Variants in CYRIA observed in about 807,000 individuals in gnomAD.
The protein encoded by CYRIA is CYFIP-related Rac1 interactor A.
In CYRIA, 15 loss-of-function variants were observed where a neutral mutation model predicts 43.9. The observed-to-expected ratio is 0.34, with a 90% CI of 0.23 to 0.53. CYRIA has a LOEUF of 0.53. Among genes scored for constraint, CYRIA ranks in the 20% least tolerant of loss-of-function variants. The pLI is 0.94. For synonymous variants in CYRIA, 117 were observed against 136.0 expected (o/e 0.86, Z 0.97); for missense variants, 236 against 394.2 (o/e 0.60, Z 3.40).
chr2:16,576,934 G>A (rs1014831637), intron 3 of CYRIA, among the ~76,000 whole-genome samples: 5 of 152,176 alleles, frequency 3.3e-5, no homozygotes, highest in Admixed American at 6.5e-5. Context: ...CAAACTGCAT[G>A]ATTCCACTTA....
intron 1 of CYRIA, among the ~76,000 whole-genome samples, chr2:16,651,160 C>T (rs989262424): frequency 6.6e-5 from 10 of 152,156 alleles, no homozygotes; most frequent in African/African-American, 2.4e-4. Flanking sequence ...TGTGGCTTTT[C>T]ATGACAATTC....
Position 16,550,861 on chromosome 2 carries a change from T to G in CYRIA, c.*2075A>C, listed in dbSNP as rs371361191. The G allele has an allele frequency of 2.2e-4, 34 of 152,224 alleles. No individual in the cohort carries two copies. Among genetic ancestry groups the G allele is most frequent in the African/African-American group, 7.7e-4 (32 of 41,538 alleles). The allele number at this position is 152,224 out of a possible 1,614,324, so 9.4% of individuals were successfully genotyped here. On this transcript the variant is annotated 3_prime_UTR_variant, in exon 12 of 12. Coordinates refer to ENST00000381323, the MANE Select transcript of CYRIA (RefSeq NM_030797.4). Reference sequence around the variant, plus strand: ...TGATAAATATTGTGTGGTTCTATATTTCTAGCCTAGACAATTGTTGCTCAA... The same window carrying G: ...TGATAAATATTGTGTGGTTCTATATGTCTAGCCTAGACAATTGTTGCTCAA...
intron 1 of CYRIA, among the ~76,000 whole-genome samples, chr2:16,631,994 A>G (rs1572190748): frequency 6.6e-6 from 1 of 152,210 alleles, no homozygotes; most frequent in East Asian, 1.9e-4. Context: ...CCTGAGTCCC[A>G]CAGACCACCT....
intron 1 of CYRIA, among the ~76,000 whole-genome samples, chr2:16,656,948 C>T (rs112257877): frequency 2.0e-5 from 3 of 152,164 alleles, no homozygotes; most frequent in South Asian, 2.1e-4. Flanking sequence ...AAGGAAGACC[C>T]GAGAGGGAAC....
intron 2 of CYRIA, among the ~76,000 whole-genome samples, chr2:16,619,147 C>A (rs1668909486): frequency 6.6e-6 from 1 of 152,144 alleles, no homozygotes; most frequent in Non-Finnish European, 1.5e-5. Flanking sequence ...GATCTTGGCA[C>A]AACTGGGGAA....
intron 1 of CYRIA, among the ~76,000 whole-genome samples, chr2:16,659,314 T>C (rs1339204004): frequency 6.6e-6 from 1 of 152,232 alleles, no homozygotes; most frequent in Non-Finnish European, 1.5e-5. Context: ...ATACCAGCTA[T>C]GCCACTTTTC....
chr2:16,662,830 T>A (rs1371128680), intron 1 of CYRIA, among the ~76,000 whole-genome samples: 1 of 152,216 alleles, frequency 6.6e-6, no homozygotes, highest in East Asian at 1.9e-4. Context: ...CTCTGGGCCC[T>A]ACATCAGCCT....
chr2:16,588,416 C>G (rs1667810564), intron 2 of CYRIA, among the ~76,000 whole-genome samples: 1 of 150,106 alleles, frequency 6.7e-6, no homozygotes, highest in Non-Finnish European at 1.5e-5. Flanking sequence ...CAGTCCATAT[C>G]TCGTTCACCA....
At chr2:16,615,420 G>A (rs1232782132) in intron 2 of CYRIA, among the ~76,000 whole-genome samples, 3 of 152,180 alleles carry the variant, frequency 2.0e-5, no homozygotes, top group African/African-American at 7.2e-5. Context: ...AGTTCCACTT[G>A]CACAAATGAA....
rs138637837 is a variant in CYRIA at position 16,634,195 on chromosome 2, T to C, written c.-166-10176A>G. 5.8e-3 allele frequency among the ~76,000 whole-genome samples: 884 copies of C among 152,302 alleles called. 9 individuals carry two copies. Among genetic ancestry groups the C allele is most frequent in the South Asian group, 0.039 (187 of 4,830 alleles). On this transcript the variant is annotated intron_variant, in intron 1 of 11. Coordinates refer to ENST00000381323, the MANE Select transcript of CYRIA (RefSeq NM_030797.4). ...CATCTGAGACTCAGGCAGAGGTTCA[T>C]CTACTCTTTACACCAACACTAGGAA... is the stretch of plus-strand genomic sequence containing the variant.
chr2:16,630,818 T>C (rs1183379522), intron 1 of CYRIA, among the ~76,000 whole-genome samples: 1 of 152,124 alleles, frequency 6.6e-6, no homozygotes, highest in African/African-American at 2.4e-5. Context: ...CCTCTTCCCA[T>C]CCACGGCTCC....
chr2:16,652,407 G>T (rs1179677738), intron 1 of CYRIA, among the ~76,000 whole-genome samples: 2 of 152,156 alleles, frequency 1.3e-5, no homozygotes, highest in Non-Finnish European at 2.9e-5. Flanking sequence ...CCTCACTGGG[G>T]CCAAATGCTT....
At chr2:16,564,450 T>C (rs911441094) in intron 4 of CYRIA, among the ~76,000 whole-genome samples, 7 of 152,210 alleles carry the variant, frequency 4.6e-5, no homozygotes, top group African/African-American at 1.7e-4. Context: ...TGTAGACATT[T>C]TGTTTATCTT....
chr2:16,629,270 C>T (rs1669254897), intron 1 of CYRIA, among the ~76,000 whole-genome samples: 3 of 152,190 alleles, frequency 2.0e-5, no homozygotes, highest in Non-Finnish European at 2.9e-5. Flanking sequence ...GTGAGCAGCT[C>T]TAACCTGGTG....
chr2:16,606,586 T>C (rs1193091551), intron 2 of CYRIA, among the ~76,000 whole-genome samples: 2 of 151,970 alleles, frequency 1.3e-5, no homozygotes, highest in African/African-American at 4.8e-5. Context: ...GGCCTTCTCC[T>C]TTTCCCTGCC....
chr2:16,566,977 C>T (rs1420897853), intron 3 of CYRIA, among the ~76,000 whole-genome samples: 1 of 152,172 alleles, frequency 6.6e-6, no homozygotes, highest in Non-Finnish European at 1.5e-5. Flanking sequence ...GCAGACCTCA[C>T]TAACAGAGGG....
chr2:16,663,634 G>A (rs886410801), intron 1 of CYRIA, among the ~76,000 whole-genome samples: 2 of 151,710 alleles, frequency 1.3e-5, no homozygotes, highest in African/African-American at 4.8e-5. Context: ...TCTAGGCCTG[G>A]GAGCAAATGC....
chr2:16,627,957 A>G (rs1451388934), intron 1 of CYRIA, among the ~76,000 whole-genome samples: 4 of 152,166 alleles, frequency 2.6e-5, no homozygotes, highest in Non-Finnish European at 5.9e-5. Context: ...TGTCCCAGAG[A>G]GATGGAGCAG....
intron 1 of CYRIA, among the ~76,000 whole-genome samples, chr2:16,646,129 C>T (rs1669814477): frequency 6.6e-6 from 1 of 152,156 alleles, no homozygotes; most frequent in African/African-American, 2.4e-5. Flanking sequence ...CTCAGTATTC[C>T]CACCTATAAG....
Sources: allele counts gnomAD v4.1 joint callset (sites outside exome capture counted in the v4.1 genomes callset), GRCh38; gene constraint gnomAD v4.1.1; transcripts MANE v1.5; gene names NCBI Gene and HGNC (gene_info 2026-07-23, HGNC 2026-07-21).